FER: variants seen among roughly 807,000 people sequenced by gnomAD.
FER encodes the protein FER tyrosine kinase.
In FER, 63 loss-of-function variants were observed where a neutral mutation model predicts 111.0. The ratio of observed to expected loss-of-function variants is 0.57; its 90% CI spans 0.46 to 0.70. FER has a LOEUF of 0.70. Among genes scored for constraint, FER ranks in the 30% least tolerant of loss-of-function variants. The pLI, the probability that FER is intolerant of heterozygous loss-of-function variation, is 0.00. For synonymous variants in FER, 327 were observed against 313.9 expected (o/e 1.04, Z -0.44); for missense variants, 914 against 954.0 (o/e 0.96, Z 0.55).
chr5:109,101,573 C>T (rs1389130199), intron 17 of FER, among the ~76,000 whole-genome samples: 1 of 151,930 alleles, frequency 6.6e-6, no homozygotes, highest in Admixed American at 6.6e-5. Context: ...ATAATTATGA[C>T]CTGTATTTTA....
intron 16 of FER, among the ~76,000 whole-genome samples, chr5:109,098,881 G>A (rs1401315600): frequency 2.0e-5 from 3 of 151,614 alleles, no homozygotes; most frequent in Non-Finnish European, 4.4e-5. Context: ...TACTTAATCT[G>A]TGAATAAGAG....
At chr5:108,949,276 G>T (rs1757412184) in intron 11 of FER, among the ~76,000 whole-genome samples, 2 of 151,992 alleles carry the variant, frequency 1.3e-5, no homozygotes, top group South Asian at 4.1e-4. Flanking sequence ...AAGCGGCCTT[G>T]TACTTTCTTT....
rs533640243 is a variant in FER at position 109,051,425 on chromosome 5, T to C, written c.1924+4227T>C. On this transcript the variant is annotated intron_variant, in intron 16 of 19. Coordinates refer to ENST00000281092, the MANE Select transcript of FER (RefSeq NM_005246.4). The stretch of plus-strand genomic sequence containing the variant: ...TGTAGTTCATGTCCAGCAGCTAGTT[T>C]TTTAGAATTCTGGTTATCATCGGGG... The C allele has an allele frequency of 4.4e-5, 71 of 1,613,062 alleles. No individual in the cohort carries two copies. In the African/African-American group the frequency reaches 9.1e-4, roughly 21 times the overall value.
At chr5:108,860,350 G>T (rs972441191) in intron 5 of FER, among the ~76,000 whole-genome samples, 10 of 151,916 alleles carry the variant, frequency 6.6e-5, no homozygotes, top group African/African-American at 1.7e-4. Flanking sequence ...ACTGCATTTT[G>T]TCAGTTTTCT....
intron 13 of FER, chr5:109,014,719 G>C (rs1766805461): frequency 6.6e-6 from 1 of 152,136 alleles, no homozygotes; most frequent in African/African-American, 2.4e-5. Flanking sequence ...CATGAACATG[G>C]AATATTCTTC....
chr5:108,762,890 C>T (rs538368147), intron 1 of FER, among the ~76,000 whole-genome samples: 11 of 152,312 alleles, frequency 7.2e-5, no homozygotes, highest in African/African-American at 2.6e-4. Flanking sequence ...GTAAATGTCA[C>T]TTTATCTGTA....
intron 13 of FER, among the ~76,000 whole-genome samples, chr5:108,959,777 A>G (rs949275265): frequency 6.6e-6 from 1 of 152,052 alleles, no homozygotes; most frequent in Non-Finnish European, 1.5e-5. Context: ...AACTATTAAA[A>G]ATTAGTCTAC....
In FER at chr5:108,946,222, A is replaced by G. The variant is rs1223110251; in HGVS notation, c.1329A>G (p.Ala443=). The G allele has an allele frequency of 6.2e-7, 1 of 1,606,192 alleles. No homozygotes were observed. Among genetic ancestry groups the G allele is most frequent in the East Asian group, 2.2e-5 (1 of 44,708 alleles). Reference sequence around the variant, plus strand: ...CAAAATCTGCACTGGGCTCTTCAGCAGTAAGTAGGATTAACTCTCTGTGCT... The same window carrying G: ...CAAAATCTGCACTGGGCTCTTCAGCGGTAAGTAGGATTAACTCTCTGTGCT... The part of the protein sequence containing the change: ...RSPKSALGSS[A]LSDMISISEK... Residue 443 remains alanine, a splice_region_variant and synonymous_variant, in exon 11 of 20, where the codon GCA becomes GCG. Coordinates refer to ENST00000281092, the MANE Select transcript of FER (RefSeq NM_005246.4).
chr5:109,165,470 T>G (rs951399766), intron 17 of FER, among the ~76,000 whole-genome samples: 1 of 152,046 alleles, frequency 6.6e-6, no homozygotes, highest in Non-Finnish European at 1.5e-5. Context: ...CCAAAGGTCA[T>G]CAGATCCAGA....
intron 5 of FER, among the ~76,000 whole-genome samples, chr5:108,862,230 A>C (rs115526594): frequency 1.7e-3 from 264 of 152,278 alleles, no homozygotes; most frequent in African/African-American, 6.2e-3. Context: ...TTGGTGATTA[A>C]ATTTTGGCTC....
At chr5:109,170,563 G>A (rs1436986880) in intron 17 of FER, among the ~76,000 whole-genome samples, 3 of 152,168 alleles carry the variant, frequency 2.0e-5, no homozygotes, top group South Asian at 2.1e-4. Flanking sequence ...GCCTCTGAGT[G>A]TGATTGTTAG....
intron 16 of FER, among the ~76,000 whole-genome samples, chr5:109,099,125 G>A (rs1436828914): frequency 6.6e-6 from 1 of 151,518 alleles, no homozygotes; most frequent in Admixed American, 6.6e-5. Flanking sequence ...AATAGAGAAA[G>A]TGGGAAAGAT....
intron 13 of FER, among the ~76,000 whole-genome samples, chr5:109,002,235 A>G (rs1417011411): frequency 2.6e-5 from 4 of 152,190 alleles, no homozygotes; most frequent in East Asian, 3.9e-4. Context: ...CTACAAGGCT[A>G]CAGTAACCAA....
intron 2 of FER, among the ~76,000 whole-genome samples, chr5:108,771,002 TC>T (rs1329073805): frequency 3.0e-4 from 45 of 151,688 alleles, no homozygotes; most frequent in Non-Finnish European, 5.9e-5. Context: ...AGTGGTGTGA[TC>T]TCGGCTCACT....
At chr5:109,036,931 T>G (rs1255446470) in intron 13 of FER, among the ~76,000 whole-genome samples, 1 of 152,058 alleles carries the variant, frequency 6.6e-6, no homozygotes, top group African/African-American at 2.4e-5. Flanking sequence ...GGGAAAGATA[T>G]GGGACTATAT....
At chr5:108,823,070 C>T (rs1437724323) in intron 3 of FER, among the ~76,000 whole-genome samples, 1 of 152,174 alleles carries the variant, frequency 6.6e-6, no homozygotes, top group East Asian at 1.9e-4. Context: ...CAGGATTTCA[C>T]TATGTTGGCC....
chr5:108,763,730 A>G (rs1752008177), intron 1 of FER, among the ~76,000 whole-genome samples: 1 of 152,220 alleles, frequency 6.6e-6, no homozygotes. Context: ...CATTTTGGTC[A>G]GAAGATTCTG....
intron 5 of FER, among the ~76,000 whole-genome samples, chr5:108,863,124 T>C (rs1763695058): frequency 6.6e-6 from 1 of 151,824 alleles, no homozygotes; most frequent in Non-Finnish European, 1.5e-5. Context: ...GCACTGACCT[T>C]TTTTTTTGTT....
intron 5 of FER, among the ~76,000 whole-genome samples, chr5:108,866,811 A>G (rs1316249360): frequency 6.6e-6 from 1 of 152,250 alleles, no homozygotes; most frequent in East Asian, 1.9e-4. Flanking sequence ...TATTTGTGTA[A>G]TTTGCATCAA....
Sources: gnomAD v4.1 joint callset for allele counts (sites outside exome capture counted in the v4.1 genomes callset) on GRCh38, gnomAD v4.1.1 for gene constraint, MANE v1.5 for transcripts, NCBI Gene and HGNC (gene_info 2026-07-23, HGNC 2026-07-21) for gene names.